Variants in RBFOX1 observed in about 807,000 individuals in gnomAD.
RBFOX1 encodes the protein RNA binding fox-1 homolog 1, also known as RNA binding protein fox-1 homolog 1.
In RBFOX1, 8 loss-of-function variants were observed where a neutral mutation model predicts 57.7. The observed-to-expected ratio is 0.14, with a 90% CI of 0.08 to 0.25. RBFOX1 has a LOEUF of 0.25. Among genes scored for constraint, RBFOX1 ranks in the 10% least tolerant of loss-of-function variants. The pLI is 1.00. For missense variants in RBFOX1, 611 were observed against 548.5 expected (o/e 1.11, Z -1.14); for synonymous variants, 326 against 222.4 (o/e 1.47, Z -4.15).
At chr16:5,770,847 A>T (rs1046182508) in intron 3 of RBFOX1, among the ~76,000 whole-genome samples, 1 of 152,240 alleles carries the variant, frequency 6.6e-6, no homozygotes, top group Non-Finnish European at 1.5e-5. Context: ...AGACATCACT[A>T]GTTGATCACG....
chr16:5,839,081 C>G (rs1218628927), intron 3 of RBFOX1, among the ~76,000 whole-genome samples: 1 of 152,160 alleles, frequency 6.6e-6, no homozygotes, highest in Non-Finnish European at 1.5e-5. Context: ...AGGAGAACAC[C>G]TACAGCAAAG....
At chr16:6,501,749 C>G (rs930658309) in intron 2 of RBFOX1, among the ~76,000 whole-genome samples, 1 of 152,082 alleles carries the variant, frequency 6.6e-6, no homozygotes, top group Admixed American at 6.5e-5. Flanking sequence ...GGGTGCCAGG[C>G]ACTGCTTTTC....
At chr16:7,348,680 G>A (rs1418097210) in intron 4 of RBFOX1, among the ~76,000 whole-genome samples, 1 of 152,170 alleles carries the variant, frequency 6.6e-6, no homozygotes, top group East Asian at 1.9e-4. Flanking sequence ...CGTGGCTCAC[G>A]CCTAGAATCC....
chr16:6,466,837 T>G (rs187259107), intron 2 of RBFOX1, among the ~76,000 whole-genome samples: 1 of 152,166 alleles, frequency 6.6e-6, no homozygotes. Flanking sequence ...AATCCTCTCA[T>G]TGATTTCTAG....
chr16:6,520,878 A>G (rs2096485183), intron 2 of RBFOX1, among the ~76,000 whole-genome samples: 2 of 152,046 alleles, frequency 1.3e-5, no homozygotes, highest in Admixed American at 6.6e-5. Flanking sequence ...AAGTAGGCAG[A>G]CGTTGCTGAG....
chr16:6,900,331 T>G (rs7201398), intron 3 of RBFOX1, among the ~76,000 whole-genome samples: 1 of 152,132 alleles, frequency 6.6e-6, no homozygotes, highest in South Asian at 2.1e-4. Flanking sequence ...CATCTCCCCC[T>G]GGAGCTACCA....
At chr16:5,727,219 C>G (rs1242239153) in intron 3 of RBFOX1, among the ~76,000 whole-genome samples, 1 of 152,030 alleles carries the variant, frequency 6.6e-6, no homozygotes, top group Non-Finnish European at 1.5e-5. Flanking sequence ...TGGCAGTGAG[C>G]CAAGATTGTG....
intron 1 of RBFOX1, among the ~76,000 whole-genome samples, chr16:6,161,924 T>G (rs1267748436): frequency 6.6e-6 from 1 of 152,184 alleles, no homozygotes; most frequent in Non-Finnish European, 1.5e-5. Context: ...CAAATAAACC[T>G]TCAGAAACTG....
chr16:5,449,477 C>T (rs2068355640), intron 1 of RBFOX1, among the ~76,000 whole-genome samples: 1 of 152,142 alleles, frequency 6.6e-6, no homozygotes. Flanking sequence ...CTAAACACTA[C>T]AAGGTTTGGA....
intron 1 of RBFOX1, among the ~76,000 whole-genome samples, chr16:6,169,806 C>T (rs555537043): frequency 1.3e-5 from 2 of 151,562 alleles, no homozygotes; most frequent in East Asian, 3.9e-4. Context: ...CCTCTATCAC[C>T]CAGGCTGGAG....
chr16:7,274,201 A>G (rs2095395936), intron 4 of RBFOX1, among the ~76,000 whole-genome samples: 4 of 152,230 alleles, frequency 2.6e-5, no homozygotes, highest in African/African-American at 7.2e-5. Flanking sequence ...AACAAATTAT[A>G]TAAAATTAGC....
intron 3 of RBFOX1, among the ~76,000 whole-genome samples, chr16:6,796,390 C>G (rs1385804537): frequency 2.6e-5 from 4 of 152,064 alleles, no homozygotes; most frequent in Admixed American, 1.3e-4. Context: ...TTTGGCAAAA[C>G]CAAGAAATAG....
intron 3 of RBFOX1, among the ~76,000 whole-genome samples, chr16:5,820,298 T>C (rs1401461267): frequency 1.3e-5 from 2 of 152,116 alleles, no homozygotes; most frequent in Non-Finnish European, 2.9e-5. Flanking sequence ...GCACATCACG[T>C]GGAATAGGGC....
intron 3 of RBFOX1, among the ~76,000 whole-genome samples, chr16:5,731,538 C>T (rs1381809840): frequency 6.6e-6 from 1 of 152,018 alleles, no homozygotes. Context: ...TTGTCTGAGT[C>T]CAAAGTAAAG....
chr16:5,928,269 CG>C (rs2058976344), intron 4 of RBFOX1, among the ~76,000 whole-genome samples: 1 of 151,592 alleles, frequency 6.6e-6, no homozygotes, highest in Non-Finnish European at 1.5e-5. Flanking sequence ...TTTGTAGAGA[CG>C]GGGGTCTCAC....
At chr16:6,959,579 C>G (rs1161576735) in intron 3 of RBFOX1, among the ~76,000 whole-genome samples, 1 of 152,226 alleles carries the variant, frequency 6.6e-6, no homozygotes, top group Non-Finnish European at 1.5e-5. Flanking sequence ...AGGTCTCCCT[C>G]AAGGCTGAAC....
chr16:6,675,808 C>G (rs1948818918), intron 3 of RBFOX1, among the ~76,000 whole-genome samples: 1 of 152,008 alleles, frequency 6.6e-6, no homozygotes, highest in Non-Finnish European at 1.5e-5. Flanking sequence ...TGCTACGAAT[C>G]AATTATCTCC....
At chr16:5,362,563 T>C (rs2065583471) in intron 1 of RBFOX1, among the ~76,000 whole-genome samples, 1 of 152,196 alleles carries the variant, frequency 6.6e-6, no homozygotes. Flanking sequence ...GGTTTCTCCA[T>C]GTTGGTCAGG....
chr16:5,823,015 A>T (rs1212214712), intron 3 of RBFOX1, among the ~76,000 whole-genome samples: 1 of 152,008 alleles, frequency 6.6e-6, no homozygotes, highest in African/African-American at 2.4e-5. Context: ...TGTGTAGTAG[A>T]TCTCAAGGAC....
Sources: gnomAD v4.1 joint callset for allele counts (sites outside exome capture counted in the v4.1 genomes callset) on GRCh38, gnomAD v4.1.1 for gene constraint, MANE v1.5 for transcripts, NCBI Gene and HGNC (gene_info 2026-07-23, HGNC 2026-07-21) for gene names.